RNF217: variants seen among roughly 807,000 people sequenced by gnomAD.
RNF217 encodes the protein ring finger protein 217, also known as E3 ubiquitin-protein ligase RNF217.
In RNF217, 31 loss-of-function variants were observed where a neutral mutation model predicts 57.8. The observed-to-expected ratio is 0.54, with a 90% CI of 0.40 to 0.72. The LOEUF is 0.72. Among genes scored for constraint, RNF217 ranks in the 30% least tolerant of loss-of-function variants. RNF217 has a pLI of 0.00. For synonymous variants in RNF217, 313 were observed against 294.0 expected, an observed-to-expected ratio of 1.06 and a Z score of -0.66; for missense variants, 696 against 708.3, an observed-to-expected ratio of 0.98 and a Z score of 0.20.
At chr6:124,981,388 C>T (rs977797475) in intron 1 of RNF217, among the ~76,000 whole-genome samples, 6 of 152,124 alleles carry the variant, frequency 3.9e-5, no homozygotes, top group South Asian at 2.1e-4. Flanking sequence ...CCAAGGTGGT[C>T]GGGGTACAGC....
At chr6:125,009,679 C>G (rs1343137884) in intron 1 of RNF217, among the ~76,000 whole-genome samples, 1 of 151,940 alleles carries the variant, frequency 6.6e-6, no homozygotes, top group East Asian at 1.9e-4. Context: ...GTTGTATGAT[C>G]CCTCTAAAAA....
At chr6:125,009,634 C>T (rs1785344534) in intron 1 of RNF217, 2 of 214,494 alleles carry the variant, frequency 9.3e-6, no homozygotes, top group Admixed American at 5.8e-5. Context: ...CCCTCCTGCC[C>T]TTCCTTCCTT....
chr6:124,972,274 C>T (rs1023779198), intron 1 of RNF217, among the ~76,000 whole-genome samples: 5 of 152,076 alleles, frequency 3.3e-5, no homozygotes, highest in African/African-American at 9.7e-5. Context: ...TATCTGTATT[C>T]TTCTCTACTG....
intron 3 of RNF217, among the ~76,000 whole-genome samples, chr6:125,058,491 G>A (rs570997163): frequency 5.9e-5 from 9 of 152,204 alleles, no homozygotes; most frequent in East Asian, 3.9e-4. Context: ...GAATCCTTGC[G>A]ATCTTTTGCT....
At chr6:125,063,941 G>A (rs926895645) in intron 3 of RNF217, among the ~76,000 whole-genome samples, 2 of 151,992 alleles carry the variant, frequency 1.3e-5, no homozygotes, top group Non-Finnish European at 2.9e-5. Flanking sequence ...AGAATGCTTT[G>A]GGCAAGAATG....
chr6:124,998,493 CA>C (rs1784834902), intron 1 of RNF217, among the ~76,000 whole-genome samples: 1 of 152,078 alleles, frequency 6.6e-6, no homozygotes, highest in South Asian at 2.1e-4. Flanking sequence ...TAATATTGGT[CA>C]TAACATTTAA....
intron 1 of RNF217, among the ~76,000 whole-genome samples, chr6:125,006,606 A>G (rs1582699676): frequency 6.6e-6 from 1 of 152,216 alleles, no homozygotes; most frequent in Non-Finnish European, 1.5e-5. Flanking sequence ...ATAGTCTCCT[A>G]TCAGTGGACA....
Position 124,966,314 on chromosome 6 carries a change from T to A in RNF217, c.882+2888T>A, listed in dbSNP as rs528863753. Among the ~76,000 whole-genome samples the A allele has an allele frequency of 9.2e-5, 14 of 152,312 alleles. No individual in the cohort carries two copies. In the East Asian group the frequency reaches 2.7e-3, roughly 29 times the overall value. On this transcript the variant is annotated intron_variant, in intron 1 of 5. Transcript: ENST00000521654. ...CTCTATGCCTTAATTTCCTCATCAA[T>A]GAAATGTAATTGCAGACAACCTGTA...
chr6:125,058,939 C>A (rs1215141826), intron 3 of RNF217, among the ~76,000 whole-genome samples: 1 of 152,166 alleles, frequency 6.6e-6, no homozygotes, highest in Non-Finnish European at 1.5e-5. Flanking sequence ...GCCTAATTAT[C>A]TTTTAAGCAC....
rs548857621 is a variant in RNF217, at chr6:124,988,221, C to G, written c.882+24795C>G. ...TTCATCCCAAAACTATCACCCCTGA[C>G]CCCCATCCATGGAAGAGTTGTCTTC... On this transcript the variant is annotated intron_variant, in intron 1 of 5. Coordinates refer to ENST00000521654, the MANE Select transcript of RNF217 (RefSeq NM_001286398.3). 3.3e-5 allele frequency among the ~76,000 whole-genome samples: 5 copies of G among 152,266 alleles called. No homozygotes were observed. In the East Asian group the frequency reaches 9.7e-4, roughly 29 times the overall value.
chr6:125,011,457 C>T (rs1040290019), intron 1 of RNF217, among the ~76,000 whole-genome samples: 1 of 152,012 alleles, frequency 6.6e-6, no homozygotes, highest in Non-Finnish European at 1.5e-5. Flanking sequence ...GGTTTTAGAC[C>T]CAGCATGCTC....
rs113189603 is a variant in RNF217, at chr6:125,040,967, A to G, written c.883-4244A>G. On this transcript the variant is annotated intron_variant, in intron 1 of 5. Coordinates refer to ENST00000521654, the MANE Select transcript of RNF217 (RefSeq NM_001286398.3). ...CTCAAAATAATAAGAGCTGTTTATG[A>G]CAAACCCATAGCCAATATCATACTG... is the stretch of plus-strand genomic sequence containing the variant. Among the ~76,000 whole-genome samples, 830 of 152,224 alleles carry G rather than the reference A, an allele frequency of 5.5e-3. 13 individuals are homozygous for G. Among genetic ancestry groups the G allele is most frequent in the African/African-American group, 0.019 (797 of 41,532 alleles).
Position 124,975,545 on chromosome 6 carries a change from C to T in RNF217, c.882+12119C>T, listed in dbSNP as rs144547634. ...TCCCAGGCTTAAGCAATCCTCCCACCTCAGCCTCTCGAATAGCTGGGACTA... is the reference window on the plus strand; with the variant it reads ...TCCCAGGCTTAAGCAATCCTCCCACTTCAGCCTCTCGAATAGCTGGGACTA... On this transcript the variant is annotated intron_variant, in intron 1 of 5. Coordinates refer to ENST00000521654, the MANE Select transcript of RNF217 (RefSeq NM_001286398.3). Among the ~76,000 whole-genome samples, 941 of 152,322 alleles carry T rather than the reference C, an allele frequency of 6.2e-3. 4 individuals are homozygous for T. Among genetic ancestry groups the T allele is most frequent in the Non-Finnish European group, 9.7e-3 (661 of 68,032 alleles).
chr6:124,993,448 T>C (rs879891017), intron 1 of RNF217, among the ~76,000 whole-genome samples: 1 of 152,184 alleles, frequency 6.6e-6, no homozygotes, highest in Non-Finnish European at 1.5e-5. Flanking sequence ...AGGTTTTCCT[T>C]TCTTTGATGA....
chr6:125,015,325 CT>C (rs1785559830), intron 1 of RNF217, among the ~76,000 whole-genome samples: 3 of 152,058 alleles, frequency 2.0e-5, no homozygotes, highest in Middle Eastern at 3.2e-3. Context: ...TGTAAGACAT[CT>C]TTTTAAAAGT....
chr6:124,998,730 G>C (rs957031049), intron 1 of RNF217, among the ~76,000 whole-genome samples: 13 of 152,310 alleles, frequency 8.5e-5, no homozygotes, highest in African/African-American at 2.2e-4. Context: ...GAACCTGGGA[G>C]GGGGAGGCTG....
At chr6:125,044,073 T>G (rs1251630720) in intron 1 of RNF217, among the ~76,000 whole-genome samples, 1 of 151,902 alleles carries the variant, frequency 6.6e-6, no homozygotes, top group Non-Finnish European at 1.5e-5. Context: ...TTTTTTTAAT[T>G]GCTTTTTGTA....
intron 1 of RNF217, among the ~76,000 whole-genome samples, chr6:124,973,367 T>G (rs1447588940): frequency 6.6e-6 from 1 of 152,146 alleles, no homozygotes; most frequent in African/African-American, 2.4e-5. Context: ...GTTCTTAGAG[T>G]CCTTTTCACT....
At chr6:125,039,228 A>T in intron 1 of RNF217, among the ~76,000 whole-genome samples, 1 of 150,978 alleles carries the variant, frequency 6.6e-6, no homozygotes, top group Non-Finnish European at 1.5e-5. Flanking sequence ...TATGTACCAC[A>T]TTTTTTTTTC....
Sources: allele counts gnomAD v4.1 joint callset (sites outside exome capture counted in the v4.1 genomes callset), GRCh38; gene constraint gnomAD v4.1.1; transcripts MANE v1.5; gene names NCBI Gene and HGNC (gene_info 2026-07-23, HGNC 2026-07-21).